ASAH2: variants seen among roughly 807,000 people sequenced by gnomAD.
The protein encoded by ASAH2 is neutral ceramidase.
Under a neutral mutation model 82.9 loss-of-function variants are expected in ASAH2, and 58 were observed. The ratio of observed to expected loss-of-function variants is 0.70; its 90% CI spans 0.57 to 0.87. ASAH2 has a LOEUF of 0.87. Among genes scored for constraint, ASAH2 ranks in the 40% least tolerant of loss-of-function variants. ASAH2 has a pLI of 0.00. For missense variants in ASAH2, 779 were observed against 834.0 expected (o/e 0.93, Z 0.81); for synonymous variants, 276 against 289.7 (o/e 0.95, Z 0.48).
intron 3 of ASAH2, among the ~76,000 whole-genome samples, chr10:50,244,266 ACTC>A (rs1414995293): frequency 3.9e-5 from 6 of 152,050 alleles, no homozygotes; most frequent in Non-Finnish European, 7.4e-5. Context: ...CAACCCTGGG[ACTC>A]CTGACTTATC....
intron 14 of ASAH2, among the ~76,000 whole-genome samples, chr10:50,204,591 T>C (rs1166178624): frequency 1.3e-5 from 2 of 152,052 alleles, no homozygotes; most frequent in African/African-American, 4.8e-5. Flanking sequence ...ATCTTTCTAC[T>C]GATATAATAA....
At position 50,248,540 on chromosome 10, in the gene ASAH2, G is replaced by C; in HGVS notation, c.71C>G (p.Thr24Arg). 2 of 1,613,668 alleles carry C rather than the reference G, an allele frequency of 1.2e-6. No homozygotes were observed. Among genetic ancestry groups the C allele is most frequent in the South Asian group, 1.1e-5 (1 of 91,070 alleles). ...AAACAAGAGGCTGAGAAGGGCCACT[G>C]TGATGGCACTCATCATTACAAGGAG... ...IFLLVMMSAI[T>R]VALLSLLFIT... is the part of the protein sequence containing the mutation. The change falls in exon 2 of 21, where the codon ACA (threonine) becomes AGA (arginine). Residue 24 changes from threonine to arginine, a missense_variant. Thr to Arg is a moderately conservative substitution (Grantham distance 71, BLOSUM62 -1). This residue lies in a region of ASAH2 where 759 missense variants were observed against 755.2 expected (regional missense o/e 1.00). Transcript: ENST00000682911.
chr10:50,242,510 C>T (rs773709697), intron 4 of ASAH2, among the ~76,000 whole-genome samples: 3 of 152,206 alleles, frequency 2.0e-5, no homozygotes, highest in Non-Finnish European at 4.4e-5. Flanking sequence ...AACACATTCT[C>T]TCTTAGTGAC....
rs924387172 is a variant in ASAH2 at position 50,213,034 on chromosome 10, G to A, written c.1165C>T (p.Pro389Ser). The A allele has an allele frequency of 6.2e-7, 1 of 1,613,712 alleles. No homozygotes were observed. The change falls in exon 10 of 21, where the codon CCT becomes TCT. Residue 389 changes from proline to serine, a missense_variant. By Grantham distance (74) the Pro-to-Ser change is moderately conservative (BLOSUM62 -1). Coordinates refer to ENST00000682911, the MANE Select transcript of ASAH2 (RefSeq NM_019893.4). The part of the protein sequence containing the change: ...GGPSMCIAKG[P>S]GQDMFDSTQI... ...GTGCTGTCAAACATATCCTGTCCAG[G>A]TCCCTTAGCAATGCACATGCTAGGC...
chr10:50,210,244 T>C (rs1047565626), intron 12 of ASAH2, among the ~76,000 whole-genome samples: 2 of 152,320 alleles, frequency 1.3e-5, no homozygotes, highest in South Asian at 4.1e-4. Context: ...CTCACACCTG[T>C]AATCCCAGCA....
chr10:50,193,321 G>A (rs1302090724), intron 18 of ASAH2, among the ~76,000 whole-genome samples: 2 of 151,696 alleles, frequency 1.3e-5, no homozygotes, highest in African/African-American at 4.8e-5. Context: ...GGAGAATTCA[G>A]GCCAAGTCTG....
intron 7 of ASAH2, 116 bp from the exon 8 acceptor site, chr10:50,218,746 C>A (rs1845673787): frequency 8.8e-7 from 1 of 1,133,306 alleles, no homozygotes; most frequent in Admixed American, 1.9e-5. Flanking sequence ...AAATAATAGA[C>A]ATTCTACATC....
Position 50,211,156 on chromosome 10 carries a change from T to G in ASAH2, c.1228-22A>C, listed in dbSNP as rs547402222. 8.9e-6 allele frequency: 14 copies of G among 1,567,178 alleles called. No homozygotes were observed. In the African/African-American group the frequency reaches 1.9e-4, roughly 21 times the overall value. ...GTTCCTAGAAAACACACAGGCTTAT[T>G]ATTCCAAGCAAAAAGGCTAAAGTGA... On this transcript the variant is annotated intron_variant, in intron 10 of 20. Transcript: ENST00000682911.
intron 18 of ASAH2, among the ~76,000 whole-genome samples, chr10:50,195,883 T>C (rs1330005010): frequency 1.3e-5 from 2 of 151,642 alleles, no homozygotes; most frequent in Non-Finnish European, 2.9e-5. Context: ...TGGCAGAAGG[T>C]TAGTTACCAG....
At chr10:50,243,143 A>C (rs1846347432) in intron 4 of ASAH2, 59 bp downstream of exon 4, 2 of 1,581,854 alleles carry the variant, frequency 1.3e-6, no homozygotes, top group African/African-American at 2.7e-5. Flanking sequence ...TGTCACATTC[A>C]CCCACTTTTC....
Position 50,240,953 on chromosome 10 carries a change from C to A in ASAH2, c.510+2249G>T, listed in dbSNP as rs1041738968. Among the ~76,000 whole-genome samples the A allele has an allele frequency of 1.1e-4, 17 of 152,198 alleles. No individual in the cohort carries two copies. In the East Asian group the frequency reaches 2.5e-3, roughly 22 times the overall value. ...TTAGTGACTTGCTTGATGAATAGAA[C>A]AGGGTGAAAGTAACGGTGTATAACT... is the stretch of plus-strand genomic sequence containing the variant. On this transcript the variant is annotated intron_variant, in intron 4 of 20. Transcript: ENST00000682911.
At position 50,214,646 on chromosome 10, in the gene ASAH2, C is replaced by T; in HGVS notation, c.1140+97G>A. ...CTAGGGAGAACTAGGCCAGTGTATA[C>T]TAGAAGACAAGGTATTTGTAAATTA... On this transcript the variant is annotated intron_variant, in intron 9 of 20. Coordinates refer to ENST00000682911, the MANE Select transcript of ASAH2 (RefSeq NM_019893.4). 3 of 1,489,542 alleles carry T rather than the reference C, an allele frequency of 2.0e-6. No individual in the cohort carries two copies. The Admixed American group carries it at 5.1e-5, about 25-fold the overall frequency. 92.3% of individuals were successfully genotyped at this position (1,489,542 alleles called of 1,614,324 possible). A position where few individuals can be genotyped will look rare whatever the true frequency, so the allele number is the denominator to read the frequency against.
chr10:50,237,311 T>A (rs1036381225), intron 4 of ASAH2, among the ~76,000 whole-genome samples: 2 of 152,182 alleles, frequency 1.3e-5, no homozygotes, highest in African/African-American at 4.8e-5. Flanking sequence ...ATAGGAAGCA[T>A]CCTGTCAGCA....
chr10:50,234,697 C>A, intron 5 of ASAH2, 145 bp from the exon 6 acceptor site: 1 of 1,155,162 alleles, frequency 8.7e-7, no homozygotes, highest in Non-Finnish European at 1.3e-6. Flanking sequence ...TGGAGAACCA[C>A]ATCGCTGTTG....
At chr10:50,211,157 A>T in intron 10 of ASAH2, 23 bp from the exon 11 acceptor site, 1 of 1,564,512 alleles carries the variant, frequency 6.4e-7, no homozygotes, top group Non-Finnish European at 8.8e-7. Flanking sequence ...CAGGCTTATT[A>T]TTCCAAGCAA....
chr10:50,233,310 C>T, intron 6 of ASAH2, 49 bp from the exon 7 acceptor site: 1 of 1,361,128 alleles, frequency 7.3e-7, no homozygotes, highest in East Asian at 2.3e-5. Context: ...TAGAGCCTAA[C>T]CCTCATGTAA....
At chr10:50,204,119 G>A (rs2067270282) in intron 14 of ASAH2, among the ~76,000 whole-genome samples, 1 of 152,008 alleles carries the variant, frequency 6.6e-6, no homozygotes, top group African/African-American at 2.4e-5. Context: ...AACAGATCAT[G>A]TAGGAGCTTG....
chr10:50,202,871 G>T lies in ASAH2; in HGVS notation c.1719C>A (p.Cys573Ter). 1.9e-6 allele frequency: 3 copies of T among 1,612,036 alleles called. No individual in the cohort carries two copies. The highest frequency in any genetic ancestry group is 2.5e-6 in the Non-Finnish European group (3 of 1,178,518). Residue 573 changes from cysteine to a stop codon, truncating the protein, a stop_gained, in exon 16 of 21, where the codon TGC becomes TGA. Transcript: ENST00000682911. LOFTEE classifies it high-confidence loss of function. ...TGGTAATGTAATGTGTATAGACGTT[G>T]CATAGACCTGAAATAACAACAGTCA... ...QNMTVVISGL[C>*]NVYTHYITTY...
chr10:50,208,492 G>C (rs1845367375), intron 12 of ASAH2, among the ~76,000 whole-genome samples: 1 of 151,864 alleles, frequency 6.6e-6, no homozygotes. Flanking sequence ...GCTATCTGTT[G>C]TATTTCTATA....
Sources: gnomAD v4.1 joint callset for allele counts (sites outside exome capture counted in the v4.1 genomes callset) on GRCh38, gnomAD v4.1.1 for gene constraint, gnomAD v4.1.1 regional missense constraint, MANE v1.5 for transcripts, NCBI Gene and HGNC (gene_info 2026-07-23, HGNC 2026-07-21) for gene names.